The following BTG3 variants were observed in gnomAD, a reference collection of about 807,000 sequenced individuals.
The protein encoded by BTG3 is BTG anti-proliferation factor 3, also known as protein BTG3.
In BTG3, 4 loss-of-function variants were observed where a neutral mutation model predicts 25.8. The ratio of observed to expected loss-of-function variants is 0.16; its 90% CI spans 0.08 to 0.36. The LOEUF (loss-of-function observed/expected upper bound fraction) is 0.36, where lower values mean the gene tolerates loss of function less well. Ranked by LOEUF, BTG3 falls within the 10% of genes least tolerant of loss-of-function variation. BTG3 has a pLI of 1.00. For missense variants in BTG3, 201 were observed against 304.9 expected, an observed-to-expected ratio of 0.66 and a Z score of 2.54; for synonymous variants, 107 against 99.9, an observed-to-expected ratio of 1.07 and a Z score of -0.42.
intron 1 of BTG3, among the ~76,000 whole-genome samples, chr21:17,611,028 T>C (rs1010397542): frequency 1.3e-5 from 2 of 151,884 alleles, no homozygotes; most frequent in African/African-American, 4.9e-5. Flanking sequence ...AAATTCACCT[T>C]CTACAGCCAG....
In BTG3 at chr21:17,600,990, T is replaced by C. The variant is rs184778139; in HGVS notation, c.312-2166A>G. ...CAGCCTGGCCAACATGGTGAAACCCTGTCTCTACTAAAAATACAAAAAATT... is the reference window on the plus strand; with the variant it reads ...CAGCCTGGCCAACATGGTGAAACCCCGTCTCTACTAAAAATACAAAAAATT... On this transcript the variant is annotated intron_variant, in intron 3 of 4. Transcript: ENST00000348354. Among the ~76,000 whole-genome samples, 340 of 152,152 alleles carry C rather than the reference T, an allele frequency of 2.2e-3. 11 individuals carry two copies. In the East Asian group the frequency reaches 0.05, roughly 22 times the overall value.
At chr21:17,598,552 G>C in intron 4 of BTG3, 65 bp downstream of exon 4, 1 of 1,373,980 alleles carries the variant, frequency 7.3e-7, no homozygotes, top group Non-Finnish European at 1.0e-6. Flanking sequence ...TGCCAAGTAG[G>C]ACTACCTGAA....
At chr21:17,594,428 A>G in intron 4 of BTG3, 96 bp from the exon 5 acceptor site, 1 of 1,396,178 alleles carries the variant, frequency 7.2e-7, no homozygotes, top group East Asian at 2.4e-5. Context: ...TACCCACAAC[A>G]CTGAGATCAC....
intron 4 of BTG3, among the ~76,000 whole-genome samples, chr21:17,594,803 T>C (rs371480553): frequency 9.0e-4 from 137 of 151,916 alleles, no homozygotes; most frequent in Non-Finnish European, 1.4e-3. Context: ...TAAGAACTTA[T>C]GAACACAAAG....
Position 17,594,109 on chromosome 21 carries a change from A to G in BTG3, c.743T>C (p.Met248Thr). 6.2e-7 allele frequency: 1 copy of G among 1,613,038 alleles called. No homozygotes were observed. The highest frequency in any genetic ancestry group is 1.1e-5 in the South Asian group (1 of 91,008). ...AAAACGAAGTTAGTGAGGTGCTAACATGTGAGGATTAATCCAGTGATTCCG... is the reference window on the plus strand; with the variant it reads ...AAAACGAAGTTAGTGAGGTGCTAACGTGTGAGGATTAATCCAGTGATTCCG... ...CDRNHWINPH[M>T]LAPH Residue 248 changes from methionine (M) to threonine (T), a missense_variant, in exon 5 of 5, where the codon ATG becomes ACG. Coordinates refer to ENST00000348354, the MANE Select transcript of BTG3 (RefSeq NM_006806.5).
intron 3 of BTG3, among the ~76,000 whole-genome samples, chr21:17,600,427 A>T (rs1345966470): frequency 1.3e-5 from 2 of 152,366 alleles, no homozygotes; most frequent in East Asian, 3.9e-4. Flanking sequence ...TAGTTAGCTG[A>T]AGTTAATTCA....
Position 17,594,014 on chromosome 21 carries a change from A to G in BTG3, c.*79T>C, listed in dbSNP as rs1302749350. 6.7e-7 allele frequency: 1 copy of G among 1,499,780 alleles called. No individual in the cohort carries two copies. Among genetic ancestry groups the G allele is most frequent in the Admixed American group, 2.2e-5 (1 of 44,856 alleles). The allele number at this position is 1,499,780 out of a possible 1,614,324, so 92.9% of individuals were successfully genotyped here. A position where few individuals can be genotyped will look rare whatever the true frequency, so the allele number is the denominator to read the frequency against. Reference sequence around the variant, plus strand: ...CCATCTAACTTCACTACTATTAGTAAGAACTTTTAACTTTTAATGTGTAGT... The same window carrying G: ...CCATCTAACTTCACTACTATTAGTAGGAACTTTTAACTTTTAATGTGTAGT... On this transcript the variant is annotated 3_prime_UTR_variant, in exon 5 of 5. Coordinates refer to ENST00000348354, the MANE Select transcript of BTG3 (RefSeq NM_006806.5).
At chr21:17,600,493 A>G (rs1171563434) in intron 3 of BTG3, among the ~76,000 whole-genome samples, 1 of 152,206 alleles carries the variant, frequency 6.6e-6, no homozygotes, top group Non-Finnish European at 1.5e-5. Context: ...TATCTATTAT[A>G]AAGTAAAAGG....
At chr21:17,603,270 G>A (rs1431672525) in intron 3 of BTG3, among the ~76,000 whole-genome samples, 2 of 152,122 alleles carry the variant, frequency 1.3e-5, no homozygotes, top group Non-Finnish European at 2.9e-5. Flanking sequence ...CCTAAAGCAG[G>A]TCCTTAATTA....
chr21:17,611,387 C>T (rs146497521), intron 1 of BTG3, among the ~76,000 whole-genome samples: 309 of 152,226 alleles, frequency 2.0e-3, no homozygotes, highest in Non-Finnish European at 3.7e-3. Context: ...TTTCTGTTTG[C>T]TCTGCTTCAT....
chr21:17,607,722 A>C (rs2061662521), intron 2 of BTG3, among the ~76,000 whole-genome samples: 1 of 152,232 alleles, frequency 6.6e-6, no homozygotes, highest in South Asian at 2.1e-4. Context: ...TGGGGACATC[A>C]ATATACACAA....
chr21:17,600,480 G>GAGACGA (rs2061558175), intron 3 of BTG3, among the ~76,000 whole-genome samples: 1 of 152,100 alleles, frequency 6.6e-6, no homozygotes, highest in Non-Finnish European at 1.5e-5. Flanking sequence ...GAATCAGAAT[G>GAGACGA]GTTATCTATT....
rs774490709 is a variant in BTG3 at position 17,598,596 on chromosome 21, C to T, written c.519+21G>A. 3.1e-6 allele frequency: 5 copies of T among 1,606,840 alleles called. No individual in the cohort carries two copies. In the South Asian group the frequency reaches 3.3e-5, roughly 11 times the overall value. On this transcript the variant is annotated intron_variant, in intron 4 of 4. Coordinates refer to ENST00000348354, the MANE Select transcript of BTG3 (RefSeq NM_006806.5). ...GCAATCCCTGCACATCCCTTTAAAA[C>T]TGAGCTGTTTTCATGGTTACCTGGT...
At chr21:17,611,222 G>A (rs1459493286) in intron 1 of BTG3, among the ~76,000 whole-genome samples, 2 of 152,176 alleles carry the variant, frequency 1.3e-5, no homozygotes, top group African/African-American at 2.4e-5. Context: ...TACGGGTTGG[G>A]AAGAAAGTTT....
At chr21:17,599,029 A>T in intron 3 of BTG3, 1 of 447,612 alleles carries the variant, frequency 2.2e-6, no homozygotes, top group East Asian at 3.4e-5. Context: ...CTATTTAAGT[A>T]TTCATAAACA....
chr21:17,598,580 G>A (rs1170740004), intron 4 of BTG3, 37 bp downstream of exon 4: 1 of 1,574,122 alleles, frequency 6.4e-7, no homozygotes, highest in African/African-American at 1.4e-5. Context: ...GGCAATCCCT[G>A]CACATCCCTT....
chr21:17,606,137 G>A (rs1053920137), intron 2 of BTG3, among the ~76,000 whole-genome samples: 2 of 152,084 alleles, frequency 1.3e-5, no homozygotes, highest in Non-Finnish European at 2.9e-5. Context: ...ATTATGCAAT[G>A]GACAATTTCC....
intron 1 of BTG3, 33 bp downstream of exon 1, chr21:17,612,666 C>T (rs1337707529): frequency 6.6e-6 from 1 of 152,648 alleles, no homozygotes; most frequent in East Asian, 1.9e-4. Flanking sequence ...ACAGCCCCGC[C>T]ATGTCTGCCT....
At chr21:17,600,880 G>T (rs551548634) in intron 3 of BTG3, among the ~76,000 whole-genome samples, 1 of 152,182 alleles carries the variant, frequency 6.6e-6, no homozygotes, top group South Asian at 2.1e-4. Flanking sequence ...AGTTGCTACA[G>T]GGGCTGGGCG....
Sources: allele counts gnomAD v4.1 joint callset (sites outside exome capture counted in the v4.1 genomes callset), GRCh38; gene constraint gnomAD v4.1.1; transcripts MANE v1.5; gene names NCBI Gene and HGNC (gene_info 2026-07-23, HGNC 2026-07-21).